PDE4B: variants seen among roughly 807,000 people sequenced by gnomAD.
PDE4B encodes 3',5'-cyclic-AMP phosphodiesterase 4B.
Under a neutral mutation model 82.2 loss-of-function variants are expected in PDE4B, and 20 were observed. That is an observed-to-expected ratio of 0.24 (90% CI 0.17 to 0.35). The LOEUF (loss-of-function observed/expected upper bound fraction) is 0.35. Among genes scored for constraint, PDE4B ranks in the 10% least tolerant of loss-of-function variants. The pLI is 1.00. For missense variants in PDE4B, 655 were observed against 907.2 expected, an observed-to-expected ratio of 0.72 and a Z score of 3.57; for synonymous variants, 320 against 318.9, an observed-to-expected ratio of 1.00 and a Z score of -0.04.
intron 7 of PDE4B, among the ~76,000 whole-genome samples, chr1:66,268,538 C>T (rs977740917): frequency 2.6e-5 from 4 of 151,604 alleles, no homozygotes; most frequent in African/African-American, 7.3e-5. Flanking sequence ...TGTGGTGGCA[C>T]GTGCCTGTTG....
intron 3 of PDE4B, among the ~76,000 whole-genome samples, chr1:66,067,240 T>C (rs1570137263): frequency 6.6e-6 from 1 of 152,184 alleles, no homozygotes; most frequent in East Asian, 1.9e-4. Context: ...TATTTCTAGT[T>C]CTAGATCCCT....
At chr1:65,930,544 T>G (rs920093066) in intron 3 of PDE4B, among the ~76,000 whole-genome samples, 2 of 152,224 alleles carry the variant, frequency 1.3e-5, no homozygotes, top group Non-Finnish European at 2.9e-5. Flanking sequence ...AGCCCAGCCC[T>G]TACATCAGTG....
chr1:66,265,820 T>G (rs558097142), intron 6 of PDE4B, among the ~76,000 whole-genome samples: 1 of 152,278 alleles, frequency 6.6e-6, no homozygotes, highest in South Asian at 2.1e-4. Context: ...CTGAGCATCC[T>G]GAGGACTTGC....
chr1:66,285,648 A>G (rs193074404), intron 7 of PDE4B, among the ~76,000 whole-genome samples: 5 of 152,080 alleles, frequency 3.3e-5, no homozygotes, highest in Admixed American at 3.3e-4. Flanking sequence ...CTCCAGTTCC[A>G]CTCATGTTGC....
intron 3 of PDE4B, among the ~76,000 whole-genome samples, chr1:66,107,213 A>G (rs1322992733): frequency 6.6e-6 from 1 of 151,818 alleles, no homozygotes; most frequent in African/African-American, 2.4e-5. Flanking sequence ...GTCATTCAGG[A>G]GCAGTTTGTT....
chr1:66,343,781 A>T (rs1376571897), intron 8 of PDE4B, among the ~76,000 whole-genome samples: 2 of 152,240 alleles, frequency 1.3e-5, no homozygotes, highest in Non-Finnish European at 2.9e-5. Context: ...GGCACTTTTA[A>T]TAGATTATCC....
chr1:65,820,923 A>T (rs4314863), intron 1 of PDE4B, among the ~76,000 whole-genome samples: 137,556 of 152,300 alleles, frequency 0.9, 62,433 homozygotes, highest in Non-Finnish European at 0.94. Flanking sequence ...GACACATTGA[A>T]ATCTCTGTAA....
chr1:65,886,403 A>AG (rs1381939559), intron 1 of PDE4B, among the ~76,000 whole-genome samples: 1 of 152,160 alleles, frequency 6.6e-6, no homozygotes, highest in African/African-American at 2.4e-5. Flanking sequence ...ACTTTCTTCT[A>AG]GCTGTTCTGA....
chr1:66,082,675 C>T (rs975575052), intron 3 of PDE4B, among the ~76,000 whole-genome samples: 12 of 149,802 alleles, frequency 8.0e-5, no homozygotes, highest in South Asian at 2.1e-4. Context: ...GCTTATAAAG[C>T]GCTCAGTAGA....
intron 8 of PDE4B, among the ~76,000 whole-genome samples, chr1:66,347,502 T>C (rs1661493772): frequency 6.6e-6 from 1 of 152,222 alleles, no homozygotes; most frequent in South Asian, 2.1e-4. Context: ...ATAATATATA[T>C]GCTTTCAGGG....
intron 3 of PDE4B, among the ~76,000 whole-genome samples, chr1:66,217,657 G>T (rs1650571701): frequency 6.6e-6 from 1 of 152,090 alleles, no homozygotes; most frequent in South Asian, 2.1e-4. Context: ...TTGCATATTT[G>T]TATGATTTGT....
At chr1:66,364,963 A>G (rs968413937) in intron 12 of PDE4B, among the ~76,000 whole-genome samples, 6 of 152,148 alleles carry the variant, frequency 3.9e-5, no homozygotes, top group Non-Finnish European at 8.8e-5. Context: ...ATGAGGAAAG[A>G]CATTTCAGCT....
chr1:66,144,227 T>C (rs1027292232), intron 3 of PDE4B, among the ~76,000 whole-genome samples: 1 of 152,258 alleles, frequency 6.6e-6, no homozygotes, highest in African/African-American at 2.4e-5. Context: ...TGCACGTTAT[T>C]ACATCCATCC....
intron 3 of PDE4B, among the ~76,000 whole-genome samples, chr1:66,131,206 G>C (rs1392174456): frequency 2.0e-5 from 3 of 152,148 alleles, no homozygotes; most frequent in Non-Finnish European, 4.4e-5. Context: ...CCAATAGCAG[G>C]AAGAGGGTAA....
At chr1:65,993,250 A>G in intron 3 of PDE4B, 1 of 773,678 alleles carries the variant, frequency 1.3e-6, no homozygotes. Flanking sequence ...CCTAAAACAT[A>G]CTGCAAGTGT....
chr1:65,952,381 A>G (rs1321604702), intron 3 of PDE4B, among the ~76,000 whole-genome samples: 1 of 152,144 alleles, frequency 6.6e-6, no homozygotes, highest in East Asian at 1.9e-4. Context: ...GTGAATTCCT[A>G]ACATTAATGT....
chr1:65,870,417 A>G (rs1646559843), intron 1 of PDE4B, among the ~76,000 whole-genome samples: 1 of 152,160 alleles, frequency 6.6e-6, no homozygotes, highest in South Asian at 2.1e-4. Context: ...GGAAACAAAC[A>G]CACTAACTAA....
intron 1 of PDE4B, among the ~76,000 whole-genome samples, chr1:65,795,962 A>G (rs1645627544): frequency 1.3e-5 from 2 of 152,224 alleles, no homozygotes; most frequent in African/African-American, 4.8e-5. Flanking sequence ...ACCATCAAAT[A>G]TGATATAGAA....
At chr1:65,873,084 G>A (rs568959952) in intron 1 of PDE4B, among the ~76,000 whole-genome samples, 71 of 152,130 alleles carry the variant, frequency 4.7e-4, no homozygotes, top group African/African-American at 1.4e-3. Context: ...TATTCCACAC[G>A]GGGAGGTAAA....
Sources: allele counts gnomAD v4.1 joint callset (sites outside exome capture counted in the v4.1 genomes callset), GRCh38; gene constraint gnomAD v4.1.1; transcripts MANE v1.5; gene names NCBI Gene and HGNC (gene_info 2026-07-23, HGNC 2026-07-21).